ARHGEF38: variants seen among roughly 807,000 people sequenced by gnomAD.
ARHGEF38 encodes Rho guanine nucleotide exchange factor 38.
Under a neutral mutation model 79.9 loss-of-function variants are expected in ARHGEF38, and 79 were observed. That is an observed-to-expected ratio of 0.99 (90% CI 0.82 to 1.19). The LOEUF (loss-of-function observed/expected upper bound fraction) is 1.19. ARHGEF38 is among the 50% of genes most tolerant of loss of function. The probability of loss-of-function intolerance (pLI) is 0.00; values close to 1 mark genes in which losing one functional copy is unlikely to be tolerated. For synonymous variants in ARHGEF38, 366 were observed against 328.3 expected, an observed-to-expected ratio of 1.11 and a Z score of -1.24; for missense variants, 962 against 907.2, an observed-to-expected ratio of 1.06 and a Z score of -0.78.
At chr4:105,619,010 T>C (rs1728628161) in intron 3 of ARHGEF38, among the ~76,000 whole-genome samples, 1 of 152,198 alleles carries the variant, frequency 6.6e-6, no homozygotes, top group South Asian at 2.1e-4. Flanking sequence ...AATTGAAAAC[T>C]ATGATTTACA....
chr4:105,642,032 G>A (rs1729640337), intron 5 of ARHGEF38, among the ~76,000 whole-genome samples: 1 of 152,070 alleles, frequency 6.6e-6, no homozygotes, highest in Admixed American at 6.6e-5. Flanking sequence ...TTACACGTTT[G>A]TTTACTTACT....
chr4:105,648,754 T>G, intron 7 of ARHGEF38, 72 bp downstream of exon 7: 1 of 1,411,948 alleles, frequency 7.1e-7, no homozygotes, highest in African/African-American at 1.4e-5. Flanking sequence ...GAGGTTTTGT[T>G]TTGTGAGGAC....
intron 2 of ARHGEF38, among the ~76,000 whole-genome samples, chr4:105,590,052 A>G (rs2110458173): frequency 6.8e-6 from 1 of 146,436 alleles, no homozygotes; most frequent in East Asian, 2.0e-4. Flanking sequence ...AAAAAAAGAG[A>G]GAAAGAAAGA....
At chr4:105,673,647 T>C (rs1223711158) in intron 13 of ARHGEF38, among the ~76,000 whole-genome samples, 1 of 152,102 alleles carries the variant, frequency 6.6e-6, no homozygotes, top group Non-Finnish European at 1.5e-5. Context: ...ATAAGTCCAT[T>C]TTTATTACCA....
At chr4:105,613,311 C>T in intron 2 of ARHGEF38, 73 bp from the exon 3 acceptor site, 1 of 1,482,240 alleles carries the variant, frequency 6.7e-7, no homozygotes, top group African/African-American at 1.4e-5. Flanking sequence ...ATTTAAAATG[C>T]TTACTGTTTA....
intron 5 of ARHGEF38, among the ~76,000 whole-genome samples, chr4:105,637,923 C>T (rs1195176315): frequency 6.6e-6 from 1 of 152,062 alleles, no homozygotes; most frequent in African/African-American, 2.4e-5. Context: ...CTAGACTATT[C>T]TATACATCAA....
intron 2 of ARHGEF38, among the ~76,000 whole-genome samples, chr4:105,610,198 G>A (rs1728231387): frequency 6.6e-6 from 1 of 151,994 alleles, no homozygotes; most frequent in Non-Finnish European, 1.5e-5. Context: ...CACACACTAG[G>A]GCTGATTAGG....
chr4:105,643,652 A>G (rs1046486885), intron 5 of ARHGEF38, among the ~76,000 whole-genome samples: 5 of 152,200 alleles, frequency 3.3e-5, no homozygotes, highest in African/African-American at 1.2e-4. Flanking sequence ...TGCAGGAGGT[A>G]GAGTGGAGAC....
rs74969479 is a variant in ARHGEF38 at position 105,651,536 on chromosome 4, G to A, written c.1009-2529G>A. Reference sequence around the variant, plus strand: ...GGTTGAATCCTGATCCTACTATACCGTGGGTAAGTTTCTTTAACTCCCCAT... The same window carrying A: ...GGTTGAATCCTGATCCTACTATACCATGGGTAAGTTTCTTTAACTCCCCAT... On this transcript the variant is annotated intron_variant, in intron 7 of 13. Transcript: ENST00000420470. 4.5e-4 allele frequency among the ~76,000 whole-genome samples: 69 copies of A among 152,294 alleles called. No homozygotes were observed. The Middle Eastern group carries it at 0.017, about 38-fold the overall frequency.
rs1227053005 is a variant in ARHGEF38, at chr4:105,679,940, T to C, written c.*2003T>C. ...TTTATAATTACCTCTCTGAAGCCTT[T>C]TAGTGTAATTTCTCTTTGTGACTGT... On this transcript the variant is annotated 3_prime_UTR_variant, in exon 14 of 14. Coordinates refer to ENST00000420470, the MANE Select transcript of ARHGEF38 (RefSeq NM_001242729.2). 11 of 1,376,844 alleles carry C rather than the reference T, an allele frequency of 8.0e-6. No homozygotes were observed. The highest frequency in any genetic ancestry group is 1.1e-5 in the Non-Finnish European group (11 of 968,968). The allele number at this position is 1,376,844 out of a possible 1,614,324, so 85.3% of individuals were successfully genotyped here.
intron 8 of ARHGEF38, among the ~76,000 whole-genome samples, chr4:105,654,679 G>A (rs1272783286): frequency 6.6e-6 from 1 of 152,138 alleles, no homozygotes; most frequent in Non-Finnish European, 1.5e-5. Flanking sequence ...AAGTTGTCCT[G>A]ACCCTTTGAG....
intron 2 of ARHGEF38, among the ~76,000 whole-genome samples, chr4:105,600,046 A>G (rs1450073491): frequency 1.3e-5 from 2 of 152,208 alleles, no homozygotes; most frequent in Non-Finnish European, 2.9e-5. Context: ...GCTATATTTC[A>G]TGAAGAATGT....
At chr4:105,571,152 A>AAAAT (rs1726205980) in intron 1 of ARHGEF38, among the ~76,000 whole-genome samples, 1 of 152,174 alleles carries the variant, frequency 6.6e-6, no homozygotes, top group Non-Finnish European at 1.5e-5. Context: ...TGCACACTTA[A>AAAAT]AAATAGTTAC....
intron 7 of ARHGEF38, 27 bp downstream of exon 7, chr4:105,648,709 C>T (rs142033343): frequency 6.7e-7 from 1 of 1,491,416 alleles, no homozygotes; most frequent in African/African-American, 1.4e-5. Context: ...GACCACCCAC[C>T]TTTTCCCAGG....
chr4:105,590,486 A>G (rs1430190676), intron 2 of ARHGEF38, among the ~76,000 whole-genome samples: 1 of 152,228 alleles, frequency 6.6e-6, no homozygotes, highest in Non-Finnish European at 1.5e-5. Flanking sequence ...ACAAGCACAT[A>G]TATTTTTACA....
chr4:105,667,090 G>A (rs1438481459), intron 11 of ARHGEF38, 39 bp from the exon 12 acceptor site: 1 of 1,464,408 alleles, frequency 6.8e-7, no homozygotes, highest in East Asian at 2.5e-5. Context: ...ATTTTATTAT[G>A]TATCTGTCTA....
intron 2 of ARHGEF38, among the ~76,000 whole-genome samples, chr4:105,592,995 T>C (rs1727410721): frequency 2.0e-5 from 3 of 152,162 alleles, no homozygotes; most frequent in Admixed American, 1.3e-4. Context: ...ATAATTAGTT[T>C]ACCCTCCTTA....
chr4:105,663,281 T>G (rs777616763), intron 10 of ARHGEF38, among the ~76,000 whole-genome samples: 1 of 152,160 alleles, frequency 6.6e-6, no homozygotes, highest in Non-Finnish European at 1.5e-5. Flanking sequence ...TGAATTAAAA[T>G]GAGAATAATA....
intron 3 of ARHGEF38, among the ~76,000 whole-genome samples, chr4:105,623,635 G>A (rs189194272): frequency 6.6e-6 from 1 of 152,290 alleles, no homozygotes; most frequent in East Asian, 1.9e-4. Flanking sequence ...CAAGGTTCAG[G>A]AAGACATCGT....
Sources: allele counts gnomAD v4.1 joint callset (sites outside exome capture counted in the v4.1 genomes callset), GRCh38; gene constraint gnomAD v4.1.1; transcripts MANE v1.5; gene names NCBI Gene and HGNC (gene_info 2026-07-23, HGNC 2026-07-21).